The following SORCS2 variants were observed in gnomAD, a reference collection of about 807,000 sequenced individuals.
SORCS2 encodes the protein VPS10 domain-containing receptor SorCS2.
SORCS2 carries 100 observed loss-of-function variants against 141.6 expected under a neutral mutation model. The ratio of observed to expected loss-of-function variants is 0.71; its 90% CI spans 0.60 to 0.83. The LOEUF is 0.83. SORCS2 is among the 40% of genes least tolerant of loss of function. The pLI, the probability that SORCS2 is intolerant of heterozygous loss-of-function variation, is 0.00. For missense variants in SORCS2, 1,646 were observed against 1,560.2 expected (o/e 1.05, Z -0.93); for synonymous variants, 789 against 676.9 (o/e 1.17, Z -2.57).
At chr4:7,467,143 C>T (rs919001098) in intron 2 of SORCS2, among the ~76,000 whole-genome samples, 1 of 152,160 alleles carries the variant, frequency 6.6e-6, no homozygotes. Context: ...CTGCAGTTTT[C>T]CTGGCCAGAG....
At chr4:7,320,306 T>C (rs1301780026) in intron 1 of SORCS2, among the ~76,000 whole-genome samples, 3 of 152,216 alleles carry the variant, frequency 2.0e-5, no homozygotes, top group African/African-American at 7.2e-5. Context: ...CTTTTCTAGA[T>C]AGTGTGAATA....
At chr4:7,426,847 C>T (rs147630844) in intron 2 of SORCS2, among the ~76,000 whole-genome samples, 2 of 152,338 alleles carry the variant, frequency 1.3e-5, no homozygotes, top group East Asian at 1.9e-4. Flanking sequence ...TCTGCATTAA[C>T]GTCTGGCCTC....
Position 7,386,642 on chromosome 4 carries a change from C to G in SORCS2, c.481-9646C>G, listed in dbSNP as rs539425561. ...CCATACACATGAACACATGCACACA[C>G]AGATACACAGAAATACATGCACACA... On this transcript the variant is annotated intron_variant, in intron 1 of 26. Coordinates refer to ENST00000507866, the MANE Select transcript of SORCS2 (RefSeq NM_020777.3). 4.5e-3 allele frequency among the ~76,000 whole-genome samples: 677 copies of G among 151,318 alleles called. 6 individuals carry two copies. Among genetic ancestry groups the G allele is most frequent in the African/African-American group, 0.015 (629 of 40,886 alleles).
Position 7,401,922 on chromosome 4 carries a change from A to G in SORCS2, c.548+5567A>G, listed in dbSNP as rs185415364. On this transcript the variant is annotated intron_variant, in intron 2 of 26. Transcript: ENST00000507866. Reference sequence around the variant, plus strand: ...TCACTTTAATTAAGAAATCTTGAACATATCCTGAAAAGTACCTACCATGGT... The same window carrying G: ...TCACTTTAATTAAGAAATCTTGAACGTATCCTGAAAAGTACCTACCATGGT... Among the ~76,000 whole-genome samples the G allele has an allele frequency of 6.8e-4, 103 of 152,320 alleles. 1 individual carries two copies. The highest frequency in any genetic ancestry group is 2.4e-3 in the African/African-American group (98 of 41,562).
At chr4:7,589,501 C>T (rs1170525580) in intron 3 of SORCS2, among the ~76,000 whole-genome samples, 1 of 152,144 alleles carries the variant, frequency 6.6e-6, no homozygotes, top group Non-Finnish European at 1.5e-5. Flanking sequence ...CTCCCGGGTT[C>T]AAGCGATTCT....
At chr4:7,669,624 ACT>A (rs888795603) in intron 8 of SORCS2, among the ~76,000 whole-genome samples, 1 of 151,678 alleles carries the variant, frequency 6.6e-6, no homozygotes, top group Non-Finnish European at 1.5e-5. Context: ...CACAGACTCA[ACT>A]CTCTCTTTTT....
At chr4:7,496,450 CGT>C (rs1731627327) in intron 2 of SORCS2, among the ~76,000 whole-genome samples, 23 of 96,144 alleles carry the variant, frequency 2.4e-4, no homozygotes, top group African/African-American at 4.8e-4. Flanking sequence ...ACTCCCCACC[CGT>C]TCCCCGTCCC....
chr4:7,631,927 A>T lies in SORCS2; in HGVS notation c.649-6401A>T, dbSNP rs536146848. On this transcript the variant is annotated intron_variant, in intron 3 of 26. Coordinates refer to ENST00000507866, the MANE Select transcript of SORCS2 (RefSeq NM_020777.3). The stretch of plus-strand genomic sequence containing the variant: ...CCAAGCCTGTTGCATCAGGACCCCC[A>T]TGTTAGCCAGCTGCCTTCTGGGCAG... Among the ~76,000 whole-genome samples, 4 of 152,268 alleles carry T rather than the reference A, an allele frequency of 2.6e-5. No homozygotes were observed. In the East Asian group the frequency reaches 7.7e-4, roughly 29 times the overall value.
intron 3 of SORCS2, among the ~76,000 whole-genome samples, chr4:7,587,770 CCT>C (rs1716638553): frequency 6.6e-6 from 1 of 152,316 alleles, no homozygotes; most frequent in Admixed American, 6.5e-5. Context: ...CTGTTTGCCC[CCT>C]CTTTCCAGCT....
intron 3 of SORCS2, among the ~76,000 whole-genome samples, chr4:7,540,520 C>T (rs1490179249): frequency 2.0e-5 from 3 of 152,210 alleles, no homozygotes; most frequent in African/African-American, 7.2e-5. Context: ...TCTGCCCTTG[C>T]GCTTCACGGC....
At chr4:7,702,385 C>T (rs1164857564) in intron 12 of SORCS2, among the ~76,000 whole-genome samples, 1 of 152,238 alleles carries the variant, frequency 6.6e-6, no homozygotes, top group Non-Finnish European at 1.5e-5. Context: ...TTGGGGCAGG[C>T]CCCTTGTGTC....
chr4:7,689,102 G>A (rs987585127), intron 10 of SORCS2, among the ~76,000 whole-genome samples: 3 of 152,100 alleles, frequency 2.0e-5, no homozygotes, highest in Non-Finnish European at 4.4e-5. Flanking sequence ...CCCGGCACTT[G>A]GGCTCTTGAC....
intron 3 of SORCS2, among the ~76,000 whole-genome samples, chr4:7,566,200 G>A (rs2109693525): frequency 6.6e-6 from 1 of 151,708 alleles, no homozygotes; most frequent in South Asian, 2.1e-4. Flanking sequence ...AATGGTGATG[G>A]TGATGGTGGT....
intron 2 of SORCS2, among the ~76,000 whole-genome samples, chr4:7,526,708 T>G (rs973302180): frequency 2.0e-5 from 3 of 152,150 alleles, no homozygotes; most frequent in Admixed American, 6.5e-5. Flanking sequence ...CCTCACTGAT[T>G]GTAAGAGCGA....
intron 1 of SORCS2, among the ~76,000 whole-genome samples, chr4:7,208,725 C>T (rs1033118049): frequency 1.1e-4 from 16 of 152,206 alleles, no homozygotes; most frequent in Admixed American, 6.5e-5. Flanking sequence ...GGATGCACTG[C>T]CTTGTCTCCT....
Position 7,192,758 on chromosome 4 carries a change from C to A in SORCS2, c.112C>A (p.Leu38Met). The change falls in exon 1 of 27, where the codon CTG (leucine) becomes ATG (methionine). Residue 38 changes from leucine to methionine, a missense_variant. Transcript: ENST00000507866. The surrounding 1 kb of genome is among the most constrained non-coding windows in gnomAD (Gnocchi z 4.0). ...CTCGCCGCGCTCGCGGCCGCTCCTG[C>A]TGCTGCTGCTGCTGCTGGGCGCCTG... ...PRSPRSRPLLLLLLLLGACGA... is the reference protein window; with the variant it reads ...PRSPRSRPLLMLLLLLGACGA... 1 of 997,752 alleles carries A rather than the reference C, an allele frequency of 1.0e-6. No individual in the cohort carries two copies. The allele number at this position is 997,752 out of a possible 1,614,324, so 61.8% of individuals were successfully genotyped here. A position where few individuals can be genotyped will look rare whatever the true frequency, so the allele number is the denominator to read the frequency against.
chr4:7,586,560 G>A (rs984436818), intron 3 of SORCS2, among the ~76,000 whole-genome samples: 2 of 152,160 alleles, frequency 1.3e-5, no homozygotes, highest in African/African-American at 4.8e-5. Flanking sequence ...GCTCCTCCTT[G>A]TAAGTGAGAA....
At chr4:7,718,479 T>G (rs932847046) in intron 18 of SORCS2, among the ~76,000 whole-genome samples, 23 of 152,178 alleles carry the variant, frequency 1.5e-4, no homozygotes, top group Non-Finnish European at 3.1e-4. Flanking sequence ...TGGGGGAGGG[T>G]GTAGTTACTG....
intron 2 of SORCS2, among the ~76,000 whole-genome samples, chr4:7,490,838 T>C (rs4309839): frequency 0.42 from 63,638 of 152,074 alleles, 14,350 homozygotes; most frequent in East Asian, 0.71. Flanking sequence ...CTCCCAGGCC[T>C]GCTTCTCCCT....
Sources: allele counts gnomAD v4.1 joint callset (sites outside exome capture counted in the v4.1 genomes callset), GRCh38; gene constraint gnomAD v4.1.1; non-coding constraint Gnocchi (gnomAD v3.1); transcripts MANE v1.5; gene names NCBI Gene and HGNC (gene_info 2026-07-23, HGNC 2026-07-21).